Variants in APOO observed in about 807,000 individuals in gnomAD.
APOO encodes apolipoprotein O.
In APOO, 11 loss-of-function variants were observed where a neutral mutation model predicts 23.1. The ratio of observed to expected loss-of-function variants is 0.48; its 90% CI spans 0.30 to 0.79. The LOEUF (loss-of-function observed/expected upper bound fraction) is 0.79, where lower values mean the gene tolerates loss of function less well. APOO is among the 30% of genes least tolerant of loss of function. The pLI is 0.07. For synonymous variants in APOO, 59 were observed against 54.8 expected, an observed-to-expected ratio of 1.08 and a Z score of -0.34; for missense variants, 160 against 142.7, an observed-to-expected ratio of 1.12 and a Z score of -0.62.
chrX:23,850,714 C>A (rs1156913703), intron 7 of APOO, among the ~76,000 whole-genome samples: 1 of 111,613 alleles, frequency 9.0e-6, no homozygotes, highest in Non-Finnish European at 1.9e-5. Flanking sequence ...GTAGTCCTAG[C>A]TACTCTGGAG....
chrX:23,875,157 G>A (rs1321459007), intron 3 of APOO, among the ~76,000 whole-genome samples: 2 of 108,528 alleles, frequency 1.8e-5, no homozygotes, highest in African/African-American at 6.7e-5. Flanking sequence ...GGCTGAGGCA[G>A]GAGAATCACT....
At chrX:23,872,521 T>TTATATATA (rs773219545) in intron 4 of APOO, among the ~76,000 whole-genome samples, 6,089 of 93,045 alleles carry the variant, frequency 0.065, 206 homozygotes, top group African/African-American at 0.092. Flanking sequence ...TTATGAGAAT[T>TTATATATA]TATATATATA....
chrX:23,867,477 C>G (rs1455922450), intron 5 of APOO, among the ~76,000 whole-genome samples: 3 of 112,157 alleles, frequency 2.7e-5, no homozygotes, highest in African/African-American at 9.7e-5. Context: ...TTCTGAAACC[C>G]TCAACAGAAA....
chrX:23,898,839 G>A (rs1412156112), intron 1 of APOO, among the ~76,000 whole-genome samples: 2 of 112,210 alleles, frequency 1.8e-5, no homozygotes, highest in Non-Finnish European at 3.8e-5. Flanking sequence ...TCTAATAGGA[G>A]AGGAGACTCA....
chrX:23,898,678 A>T (rs1466297328), intron 1 of APOO, among the ~76,000 whole-genome samples: 1 of 112,057 alleles, frequency 8.9e-6, no homozygotes, highest in East Asian at 2.8e-4. Context: ...AGGACTCCCA[A>T]ATGGTGTGAC....
intron 1 of APOO, among the ~76,000 whole-genome samples, chrX:23,893,104 G>T (rs933382925): frequency 1.8e-5 from 2 of 109,822 alleles, no homozygotes; most frequent in Non-Finnish European, 3.8e-5. Flanking sequence ...CCTCAGTAAC[G>T]TGTTGTAAAT....
At chrX:23,858,820 GC>G in intron 5 of APOO, 87 bp from the exon 6 acceptor site, 1 of 857,432 alleles carries the variant, frequency 1.2e-6, no homozygotes, top group Non-Finnish European at 1.6e-6. Flanking sequence ...ACGGAACAAG[GC>G]CAGGCACAGT....
intron 7 of APOO, among the ~76,000 whole-genome samples, chrX:23,846,701 C>T (rs1924259747): frequency 1.8e-5 from 2 of 109,847 alleles, no homozygotes; most frequent in African/African-American, 6.6e-5. Context: ...CCACAACTGA[C>T]CTCCTGACAC....
chrX:23,862,134 A>G (rs1439535404), intron 5 of APOO, among the ~76,000 whole-genome samples: 2 of 111,250 alleles, frequency 1.8e-5, no homozygotes, highest in African/African-American at 6.5e-5. Context: ...ACATGACTGG[A>G]TAACCAAGAA....
At chrX:23,862,256 A>G (rs1925088006) in intron 5 of APOO, among the ~76,000 whole-genome samples, 1 of 111,525 alleles carries the variant, frequency 9.0e-6, no homozygotes, top group South Asian at 3.7e-4. Flanking sequence ...GTATCATCAA[A>G]TAAATTTTAA....
chrX:23,903,642 A>G (rs1748670636), intron 1 of APOO, among the ~76,000 whole-genome samples: 1 of 112,429 alleles, frequency 8.9e-6, no homozygotes, highest in African/African-American at 3.2e-5. Flanking sequence ...GATTTATGTG[A>G]ATTATATTTC....
chrX:23,862,827 AAGAAGGAGGGAAGGGAAGGG>A (rs1364485594), intron 5 of APOO, among the ~76,000 whole-genome samples: 5 of 83,428 alleles, frequency 6.0e-5, no homozygotes, highest in Non-Finnish European at 1.2e-4. Flanking sequence ...GAAGGGAAGG[AAGAAGGAGGGAAGGGAAGGG>A]AGAAGGAGGG....
intron 8 of APOO, chrX:23,837,194 C>T (rs950975895): frequency 3.3e-6 from 3 of 912,431 alleles, no homozygotes; most frequent in Non-Finnish European, 4.6e-6. Context: ...CTGAGTTCTA[C>T]ATTGATGTGA....
At chrX:23,846,468 A>C (rs1470840311) in intron 7 of APOO, among the ~76,000 whole-genome samples, 2 of 108,949 alleles carry the variant, frequency 1.8e-5, no homozygotes, top group Admixed American at 9.9e-5. Context: ...CTAAAAATAC[A>C]AAAATTAGCC....
At chrX:23,896,049 C>T (rs1209342285) in intron 1 of APOO, among the ~76,000 whole-genome samples, 3 of 110,345 alleles carry the variant, frequency 2.7e-5, no homozygotes, top group African/African-American at 9.9e-5. Flanking sequence ...GTGGGCAGAC[C>T]ACGAGGTCAG....
chrX:23,875,121 G>C (rs932285770), intron 3 of APOO, among the ~76,000 whole-genome samples: 1 of 109,380 alleles, frequency 9.1e-6, no homozygotes, highest in Non-Finnish European at 1.9e-5. Flanking sequence ...GTGGTGGCAC[G>C]CGCCTGTAGT....
At chrX:23,900,586 A>C (rs1450764482) in intron 1 of APOO, among the ~76,000 whole-genome samples, 1 of 106,309 alleles carries the variant, frequency 9.4e-6, no homozygotes, top group African/African-American at 3.5e-5. Flanking sequence ...AAGGGAGGAG[A>C]CCGGCTTGAA....
intron 5 of APOO, among the ~76,000 whole-genome samples, chrX:23,861,498 G>A (rs1925027062): frequency 1.0e-5 from 1 of 98,154 alleles, no homozygotes; most frequent in Non-Finnish European, 2.0e-5. Flanking sequence ...ATTACCCAGT[G>A]TTAGGTTATA....
At chrX:23,842,601 C>T (rs1924034243) in intron 7 of APOO, among the ~76,000 whole-genome samples, 1 of 111,773 alleles carries the variant, frequency 8.9e-6, no homozygotes, top group Admixed American at 9.6e-5. Flanking sequence ...GTATAGCAGC[C>T]TACTGAAATG....
Sources: gnomAD v4.1 joint callset for allele counts (sites outside exome capture counted in the v4.1 genomes callset) on GRCh38, gnomAD v4.1.1 for gene constraint, MANE v1.5 for transcripts, NCBI Gene and HGNC (gene_info 2026-07-23, HGNC 2026-07-21) for gene names.